Variants in CFAP100 observed in about 807,000 individuals in gnomAD.
CFAP100 encodes cilia and flagella associated protein 100.
Under a neutral mutation model 81.5 loss-of-function variants are expected in CFAP100, and 70 were observed. The observed-to-expected ratio is 0.86, with a 90% confidence interval of 0.71 to 1.05. The LOEUF is 1.05. CFAP100 is among the 50% of genes least tolerant of loss of function. The pLI, the probability that CFAP100 is intolerant of heterozygous loss-of-function variation, is 0.00. For missense variants in CFAP100, 811 were observed against 776.5 expected (o/e 1.04, Z -0.53); for synonymous variants, 341 against 314.8 (o/e 1.08, Z -0.88).
Position 126,414,124 on chromosome 3 carries a change from C to T in CFAP100, c.170C>T (p.Ser57Phe), listed in dbSNP as rs2083197310. 6.2e-7 allele frequency: 1 copy of T among 1,614,020 alleles called. No homozygotes were observed. The highest frequency in any genetic ancestry group is 1.3e-5 in the African/African-American group (1 of 74,916). Residue 57 changes from serine (S) to phenylalanine (F), a missense_variant, in exon 4 of 17, where the codon TCT becomes TTT. Coordinates refer to ENST00000352312, the MANE Select transcript of CFAP100 (RefSeq NM_182628.3). ...CCTTCAGCGAACCCTTTCCACTTAT[C>T]TGGGGATGTGGATTTCTTCTTGCTC... ...PDPSANPFHL[S>F]GDVDFFLLRD... is the part of the protein sequence containing the mutation.
chr3:126,410,528 G>T (rs886406957), intron 3 of CFAP100, among the ~76,000 whole-genome samples: 2 of 151,320 alleles, frequency 1.3e-5, no homozygotes, highest in Non-Finnish European at 2.9e-5. Context: ...TTGAAACAGG[G>T]TCTCACTCTG....
chr3:126,422,199 G>A (rs1409771859), intron 11 of CFAP100, among the ~76,000 whole-genome samples: 1 of 152,240 alleles, frequency 6.6e-6, no homozygotes. Context: ...CCCTGACCCA[G>A]GCTACATCCA....
intron 13 of CFAP100, among the ~76,000 whole-genome samples, chr3:126,431,671 T>G (rs933297561): frequency 1.3e-5 from 2 of 152,190 alleles, no homozygotes; most frequent in East Asian, 1.9e-4. Context: ...ATGCTATTCC[T>G]CTGGTTGTAT....
intron 11 of CFAP100, 33 bp downstream of exon 11, chr3:126,420,262 G>A: frequency 6.2e-7 from 1 of 1,608,358 alleles, no homozygotes. Flanking sequence ...GAGGGGCTGA[G>A]GCCTAGCGGC....
chr3:126,406,782 C>T (rs1464854072), intron 2 of CFAP100, among the ~76,000 whole-genome samples: 2 of 152,174 alleles, frequency 1.3e-5, no homozygotes, highest in African/African-American at 4.8e-5. Flanking sequence ...CCAAGTCCAG[C>T]AGGAAGCCCC....
At chr3:126,403,536 T>A (rs763743945) in intron 2 of CFAP100, among the ~76,000 whole-genome samples, 5 of 152,076 alleles carry the variant, frequency 3.3e-5, no homozygotes, top group Middle Eastern at 3.4e-3. Context: ...AGGTGCACCA[T>A]CATGCCTGGC....
chr3:126,416,586 C>T, intron 5 of CFAP100, 78 bp downstream of exon 5: 1 of 1,220,322 alleles, frequency 8.2e-7, no homozygotes, highest in Non-Finnish European at 1.1e-6. Flanking sequence ...CCTGGAACCT[C>T]CGTGCCACTC....
chr3:126,434,789 G>C (rs920463660), intron 15 of CFAP100, among the ~76,000 whole-genome samples: 1 of 152,180 alleles, frequency 6.6e-6, no homozygotes, highest in Non-Finnish European at 1.5e-5. Flanking sequence ...GGAGGGGCTG[G>C]AGGCTGAGGG....
At position 126,419,059 on chromosome 3, in the gene CFAP100, C is replaced by T. The variant is rs773383345; in HGVS notation, c.651-17C>T. ...CCCCTTGCCCCCATCCCTCCTCCCC[C>T]GCCGCCCAACCCCTAGGGCTGAGAA... is the stretch of plus-strand genomic sequence containing the variant. On this transcript the variant is annotated splice_polypyrimidine_tract_variant and intron_variant, in intron 7 of 16. Coordinates refer to ENST00000352312, the MANE Select transcript of CFAP100 (RefSeq NM_182628.3). The T allele has an allele frequency of 5.1e-5, 74 of 1,464,058 alleles. 1 individual carries two copies. The South Asian group carries it at 6.9e-4, about 14-fold the overall frequency. The allele number at this position is 1,464,058 out of a possible 1,614,324, so 90.7% of individuals were successfully genotyped here. A position where few individuals can be genotyped will look rare whatever the true frequency, so the allele number is the denominator to read the frequency against.
At chr3:126,411,446 C>T (rs1222177985) in intron 3 of CFAP100, among the ~76,000 whole-genome samples, 3 of 120,868 alleles carry the variant, frequency 2.5e-5, no homozygotes, top group Non-Finnish European at 4.8e-5. Flanking sequence ...CTATGAGGAT[C>T]TCTTCTTTCT....
At chr3:126,413,897 C>T (rs2083193923) in intron 3 of CFAP100, among the ~76,000 whole-genome samples, 188 bp from the exon 4 acceptor site, 1 of 152,244 alleles carries the variant, frequency 6.6e-6, no homozygotes, top group African/African-American at 2.4e-5. Context: ...CCAGGTTAAA[C>T]TACAGAGGTG....
At chr3:126,432,969 A>C in intron 13 of CFAP100, 100 bp from the exon 14 acceptor site, 1 of 1,401,026 alleles carries the variant, frequency 7.1e-7, no homozygotes. Flanking sequence ...CCCTCAGGAC[A>C]GCTGGTAGGG....
intron 11 of CFAP100, among the ~76,000 whole-genome samples, chr3:126,422,912 C>A (rs2083354924): frequency 6.6e-6 from 1 of 152,030 alleles, no homozygotes; most frequent in Non-Finnish European, 1.5e-5. Flanking sequence ...GGGACCTGGC[C>A]AGGCAGGGCA....
intron 7 of CFAP100, 54 bp downstream of exon 7, chr3:126,418,828 C>T (rs527612030): frequency 6.6e-7 from 1 of 1,515,314 alleles, no homozygotes; most frequent in South Asian, 1.3e-5. Flanking sequence ...CCCACTGTCC[C>T]TGAGCCTGTG....
In CFAP100 at chr3:126,397,290, T is replaced by C. The variant is rs367961276; in HGVS notation, c.49+1241T>C. ...GGTGATTAGCTTGTTTCAGAAAGTG[T>C]GCTGCTATAAACAGTGACCCCCACC... On this transcript the variant is annotated intron_variant, in intron 2 of 16. Transcript: ENST00000352312. 2.0e-5 allele frequency among the ~76,000 whole-genome samples: 3 copies of C among 152,346 alleles called. No homozygotes were observed. In the South Asian group the frequency reaches 6.2e-4, roughly 32 times the overall value.
chr3:126,419,478 G>T (rs942428181), intron 8 of CFAP100, among the ~76,000 whole-genome samples, 159 bp from the exon 9 acceptor site: 1 of 152,204 alleles, frequency 6.6e-6, no homozygotes, highest in Admixed American at 6.5e-5. Context: ...CAGGGTGGGT[G>T]CCTGTCTTCC....
chr3:126,433,839 G>T (rs1306796826), intron 14 of CFAP100: 1 of 258,528 alleles, frequency 3.9e-6, no homozygotes, highest in Non-Finnish European at 7.5e-6. Flanking sequence ...TGTTTTCTAA[G>T]TGTCAGAACA....
chr3:126,429,996 T>C (rs756120434), intron 13 of CFAP100, among the ~76,000 whole-genome samples: 7 of 152,244 alleles, frequency 4.6e-5, no homozygotes, highest in Non-Finnish European at 8.8e-5. Context: ...CGTTTTCTCC[T>C]GATCTGCAAG....
intron 2 of CFAP100, among the ~76,000 whole-genome samples, chr3:126,398,557 A>C (rs1039538321): frequency 6.6e-6 from 1 of 152,238 alleles, no homozygotes; most frequent in African/African-American, 2.4e-5. Context: ...GCATTCAGGA[A>C]GGGCATGGGG....
Sources: allele counts gnomAD v4.1 joint callset (sites outside exome capture counted in the v4.1 genomes callset), GRCh38; gene constraint gnomAD v4.1.1; transcripts MANE v1.5; gene names NCBI Gene and HGNC (gene_info 2026-07-23, HGNC 2026-07-21).